Variants in RABEP1 observed in about 807,000 individuals in gnomAD.
RABEP1 encodes the protein rabaptin, RAB GTPase binding effector protein 1.
RABEP1 carries 51 observed loss-of-function variants against 123.4 expected under a neutral mutation model. The observed-to-expected ratio is 0.41, with a 90% CI of 0.33 to 0.52. RABEP1 has a LOEUF of 0.52. Ranked by LOEUF, RABEP1 falls within the 20% of genes least tolerant of loss-of-function variation. The probability of loss-of-function intolerance (pLI) is 0.16; values close to 1 mark genes in which losing one functional copy is unlikely to be tolerated. For synonymous variants in RABEP1, 347 were observed against 355.2 expected (o/e 0.98, Z 0.26); for missense variants, 888 against 996.3 (o/e 0.89, Z 1.46).
chr17:5,312,425 A>C (rs1161580972), intron 2 of RABEP1, among the ~76,000 whole-genome samples: 1 of 152,180 alleles, frequency 6.6e-6, no homozygotes, highest in Non-Finnish European at 1.5e-5. Flanking sequence ...TGCTGGGATT[A>C]CAGGCATGAG....
rs1423883754 is a variant in RABEP1, at chr17:5,384,795, G to C, written c.*1572G>C. The C allele has an allele frequency of 4.6e-6, 1 of 216,050 alleles. No homozygotes were observed. The highest frequency in any genetic ancestry group is 9.3e-6 in the Non-Finnish European group (1 of 107,810). The allele number at this position is 216,050 out of a possible 1,614,324, so 13.4% of individuals were successfully genotyped here. On this transcript the variant is annotated 3_prime_UTR_variant, in exon 18 of 18. Transcript: ENST00000537505. ...AATTGGTTTAAAGTCCCTTTATAAA[G>C]AGTGCTACATGGTTTAGATAAAGGA...
intron 1 of RABEP1, among the ~76,000 whole-genome samples, chr17:5,288,725 AC>A (rs2075003392): frequency 6.8e-6 from 1 of 147,524 alleles, no homozygotes; most frequent in Non-Finnish European, 1.5e-5. Context: ...TTTTTTTGAG[AC>A]CAAGTCTTGC....
chr17:5,310,356 G>A (rs1213576035), intron 2 of RABEP1, among the ~76,000 whole-genome samples: 2 of 123,750 alleles, frequency 1.6e-5, no homozygotes, highest in Non-Finnish European at 3.2e-5. Flanking sequence ...CCCCTGTCAC[G>A]CAGGCTGGAG....
intron 2 of RABEP1, among the ~76,000 whole-genome samples, chr17:5,323,197 G>A (rs7214629): frequency 0.31 from 47,386 of 152,010 alleles, 8,071 homozygotes; most frequent in African/African-American, 0.46. Context: ...TGTGTCGAAG[G>A]AACATACCTC....
intron 14 of RABEP1, among the ~76,000 whole-genome samples, chr17:5,377,518 AAAT>A (rs1567554729): frequency 1.6e-5 from 2 of 125,922 alleles, no homozygotes; most frequent in African/African-American, 2.9e-5. Context: ...GTTATTTAAA[AAAT>A]TTTTTTTTTT....
At position 5,308,020 on chromosome 17, in the gene RABEP1, A is replaced by G. The variant is rs1027516326; in HGVS notation, c.35-674A>G. Among the ~76,000 whole-genome samples the G allele has an allele frequency of 2.0e-5, 3 of 152,216 alleles. No individual in the cohort carries two copies. The East Asian group carries it at 5.8e-4, about 29-fold the overall frequency. ...CACTTGAGAGAAATGGGAAATAGCA[A>G]GATTGGCAGTAGGTTCATTTGTGGG... On this transcript the variant is annotated intron_variant, in intron 1 of 17. Coordinates refer to ENST00000537505, the MANE Select transcript of RABEP1 (RefSeq NM_004703.6).
intron 1 of RABEP1, among the ~76,000 whole-genome samples, chr17:5,289,764 A>G (rs2075015500): frequency 6.6e-6 from 1 of 152,152 alleles, no homozygotes; most frequent in African/African-American, 2.4e-5. Flanking sequence ...ACGTTTATTC[A>G]ATAGTTCATG....
rs529411322 is a variant in RABEP1 at position 5,375,099 on chromosome 17, CT to C, written c.2025+1662del. ...TCCTATCCAATCTTTATACCTGTTTCTTTTTTTTTTTTTTTTTCCTTTTTAA... is the reference window on the plus strand; with the variant it reads ...TCCTATCCAATCTTTATACCTGTTTCTTTTTTTTTTTTTTTTCCTTTTTAA... On this transcript the variant is annotated intron_variant, in intron 13 of 17. Coordinates refer to ENST00000537505, the MANE Select transcript of RABEP1 (RefSeq NM_004703.6). Among the ~76,000 whole-genome samples the C allele has an allele frequency of 4.9e-3, 616 of 125,760 alleles. 2 individuals are homozygous for C. Among genetic ancestry groups the C allele is most frequent in the African/African-American group, 6.0e-3 (206 of 34,172 alleles). 82.5% of individuals were successfully genotyped at this position (125,760 alleles called of 152,430 possible). A position where few individuals can be genotyped will look rare whatever the true frequency, so the allele number is the denominator to read the frequency against.
intron 15 of RABEP1, 76 bp downstream of exon 15, chr17:5,378,308 G>A (rs1325415217): frequency 5.1e-6 from 7 of 1,373,278 alleles, no homozygotes; most frequent in Middle Eastern, 1.8e-4. Context: ...TGCACCCAAC[G>A]AATAAAAAAT....
Position 5,385,539 on chromosome 17 carries a change from A to G in RABEP1, c.*2316A>G. On this transcript the variant is annotated 3_prime_UTR_variant, in exon 18 of 18. Coordinates refer to ENST00000537505, the MANE Select transcript of RABEP1 (RefSeq NM_004703.6). ...CTTAAGGTGAAGTGAGGACAAAATC[A>G]CATTCTGCATACTAACCTATTTTTT... 4.3e-6 allele frequency: 1 copy of G among 231,070 alleles called. No individual in the cohort carries two copies. Among genetic ancestry groups the G allele is most frequent in the Non-Finnish European group, 8.6e-6 (1 of 116,734 alleles). The allele number at this position is 231,070 out of a possible 1,614,324, so 14.3% of individuals were successfully genotyped here.
At chr17:5,300,358 A>G (rs1456623902) in intron 1 of RABEP1, among the ~76,000 whole-genome samples, 2 of 152,162 alleles carry the variant, frequency 1.3e-5, no homozygotes, top group African/African-American at 4.8e-5. Context: ...TGTTTTTCTC[A>G]TGATTAGACT....
At chr17:5,310,841 G>T (rs757418260) in intron 2 of RABEP1, among the ~76,000 whole-genome samples, 1 of 145,070 alleles carries the variant, frequency 6.9e-6, no homozygotes, top group Admixed American at 7.0e-5. Flanking sequence ...ACCGAGTCTC[G>T]CTGTGTTGTC....
chr17:5,339,569 G>A (rs1295663540), intron 5 of RABEP1, among the ~76,000 whole-genome samples: 2 of 152,008 alleles, frequency 1.3e-5, no homozygotes, highest in African/African-American at 4.8e-5. Context: ...AGGCTGAGGT[G>A]GGTGGATCAC....
intron 2 of RABEP1, among the ~76,000 whole-genome samples, chr17:5,314,031 G>GTT (rs934911766): frequency 7.9e-5 from 12 of 152,138 alleles, no homozygotes; most frequent in African/African-American, 2.9e-4. Context: ...AGCAGTCTTT[G>GTT]TTTTATCTTT....
At position 5,373,439 on chromosome 17, in the gene RABEP1, C is replaced by T; in HGVS notation, c.2010C>T (p.Leu670=). 1 of 1,610,208 alleles carries T rather than the reference C, an allele frequency of 6.2e-7. No individual in the cohort carries two copies. The highest frequency in any genetic ancestry group is 8.5e-7 in the Non-Finnish European group (1 of 1,178,876). ...VSLQQAEDFI[L]PDTTEALREL... ...TACAGCAAGCAGAAGACTTCATCCT[C>T]CCAGACACTACAGAGGTAACTTACT... Residue 670 remains leucine, a synonymous_variant, in exon 13 of 18, where the codon CTC becomes CTT. Transcript: ENST00000537505.
intron 13 of RABEP1, among the ~76,000 whole-genome samples, chr17:5,374,544 C>T (rs1055471619): frequency 6.6e-6 from 1 of 152,066 alleles, no homozygotes; most frequent in Non-Finnish European, 1.5e-5. Flanking sequence ...TCAAGTGATT[C>T]TCCTGCCTCA....
chr17:5,350,014 TC>T (rs1908385440), intron 6 of RABEP1, among the ~76,000 whole-genome samples: 1 of 152,172 alleles, frequency 6.6e-6, no homozygotes, highest in East Asian at 1.9e-4. Flanking sequence ...TGCCCCTTGG[TC>T]CAGCCAAGGA....
At chr17:5,284,393 A>G (rs775411576) in intron 1 of RABEP1, among the ~76,000 whole-genome samples, 1 of 152,134 alleles carries the variant, frequency 6.6e-6, no homozygotes, top group Non-Finnish European at 1.5e-5. Flanking sequence ...TACTTTTTAC[A>G]GTAGGAGAGA....
chr17:5,344,669 G>A (rs1391077041), intron 5 of RABEP1, among the ~76,000 whole-genome samples: 1 of 151,072 alleles, frequency 6.6e-6, no homozygotes, highest in East Asian at 2.0e-4. Context: ...CTACTTGGGA[G>A]GCTGAGTCAG....
Sources: allele counts gnomAD v4.1 joint callset (sites outside exome capture counted in the v4.1 genomes callset), GRCh38; gene constraint gnomAD v4.1.1; transcripts MANE v1.5; gene names NCBI Gene and HGNC (gene_info 2026-07-23, HGNC 2026-07-21).